The following ERICH3 variants were observed in gnomAD, a reference collection of about 807,000 sequenced individuals.
ERICH3 encodes glutamate-rich protein 3.
Under a neutral mutation model 131.1 loss-of-function variants are expected in ERICH3, and 126 were observed. The ratio of observed to expected loss-of-function variants is 0.96; its 90% confidence interval spans 0.83 to 1.11. The LOEUF (loss-of-function observed/expected upper bound fraction) is 1.11, where lower values mean the gene tolerates loss of function less well. Ranked by LOEUF, ERICH3 falls within the 50% of genes most tolerant of loss-of-function variation. The pLI, the probability that ERICH3 is intolerant of heterozygous loss-of-function variation, is 0.00. For synonymous variants in ERICH3, 695 were observed against 644.6 expected, an observed-to-expected ratio of 1.08 and a Z score of -1.18; for missense variants, 2,050 against 1,810.7, an observed-to-expected ratio of 1.13 and a Z score of -2.40.
At chr1:74,626,827 C>T (rs1649432592) in intron 7 of ERICH3, among the ~76,000 whole-genome samples, 1 of 152,100 alleles carries the variant, frequency 6.6e-6, no homozygotes, top group Admixed American at 6.5e-5. Context: ...TGAGTCGTAC[C>T]ACACCTTGCC....
At chr1:74,614,353 C>G (rs904497759) in intron 8 of ERICH3, among the ~76,000 whole-genome samples, 1 of 140,498 alleles carries the variant, frequency 7.1e-6, no homozygotes, top group African/African-American at 2.7e-5. Flanking sequence ...ACTGTGTGTA[C>G]CACATTTTTT....
chr1:74,673,787 G>A lies in ERICH3; in HGVS notation c.-268C>T. 5.3e-6 allele frequency: 2 copies of A among 379,836 alleles called. No homozygotes were observed. The highest frequency in any genetic ancestry group is 4.6e-6 in the Non-Finnish European group (1 of 216,480). The allele number at this position is 379,836 out of a possible 1,614,324, so 23.5% of individuals were successfully genotyped here. A position where few individuals can be genotyped will look rare whatever the true frequency, so the allele number is the denominator to read the frequency against. ...GCCCAGGGTCTGGAGAAGCGGAGGC[G>A]CTACTGGAACCGAGCCTGCGGAAGC... On this transcript the variant is annotated 5_prime_UTR_variant, in exon 1 of 15. Coordinates refer to ENST00000326665, the MANE Select transcript of ERICH3 (RefSeq NM_001002912.5).
chr1:74,587,324 CAAAAAAAAA>C (rs11330631), intron 12 of ERICH3, among the ~76,000 whole-genome samples: 13 of 56,288 alleles, frequency 2.3e-4, no homozygotes, highest in African/African-American at 7.1e-4. Flanking sequence ...GACTCCATCT[CAAAAAAAAA>C]AAAAAAAAAA....
At position 74,612,631 on chromosome 1, in the gene ERICH3, A is replaced by C; in HGVS notation, c.1179T>G (p.Pro393=). ...GACATTTGTTTCCATACTTGTAGCA[A>C]GGAGATGATCTCTCAACACACACAA... ...FGFVCVERSS[P]CYKCIIAMGL... The change falls in exon 9 of 15, where the codon CCT becomes CCG. Residue 393 remains proline (P), a synonymous_variant. Coordinates refer to ENST00000326665, the MANE Select transcript of ERICH3 (RefSeq NM_001002912.5). The C allele has an allele frequency of 6.4e-7, 1 of 1,554,740 alleles. No homozygotes were observed. The highest frequency in any genetic ancestry group is 8.8e-7 in the Non-Finnish European group (1 of 1,137,908).
At chr1:74,597,834 T>C (rs1243331816) in intron 11 of ERICH3, among the ~76,000 whole-genome samples, 1 of 151,966 alleles carries the variant, frequency 6.6e-6, no homozygotes, top group African/African-American at 2.4e-5. Flanking sequence ...GAAAAACCTA[T>C]TTTAAAATTC....
Position 74,570,116 on chromosome 1 carries a change from G to T in ERICH3, c.*342C>A, listed in dbSNP as rs1646918671. ...AACAAACCCCTAACATTAGGACTGG[G>T]CCTTCCAGTGATCTTTGGTAAAAGT... is the stretch of plus-strand genomic sequence containing the variant. On this transcript the variant is annotated 3_prime_UTR_variant, in exon 15 of 15. Coordinates refer to ENST00000326665, the MANE Select transcript of ERICH3 (RefSeq NM_001002912.5). 1.3e-5 allele frequency: 2 copies of T among 152,178 alleles called. No homozygotes were observed. The highest frequency in any genetic ancestry group is 1.3e-4 in the Admixed American group (2 of 15,282). 9.4% of individuals were successfully genotyped at this position (152,178 alleles called of 1,614,324 possible).
intron 8 of ERICH3, among the ~76,000 whole-genome samples, chr1:74,617,159 A>G (rs1649002186): frequency 8.0e-6 from 1 of 125,174 alleles, no homozygotes. Flanking sequence ...ACTAAAAAAA[A>G]CAACAAAAAA....
Position 74,573,052 on chromosome 1 carries a change from A to T in ERICH3, c.2658T>A (p.Leu886=). Residue 886 remains leucine, a synonymous_variant, in exon 14 of 15, where the codon CTT becomes CTA. Coordinates refer to ENST00000326665, the MANE Select transcript of ERICH3 (RefSeq NM_001002912.5). The stretch of plus-strand genomic sequence containing the variant: ...CTTCAGAAGCTGCTTTGTCTGTCTC[A>T]AGCACTGTGAGCATCAAGGCTTGCT... ...PEKQALMLTV[L]ETDKAASEGE... is the part of the protein sequence containing the mutation. 6.2e-7 allele frequency: 1 copy of T among 1,614,104 alleles called. No individual in the cohort carries two copies. The highest frequency in any genetic ancestry group is 8.5e-7 in the Non-Finnish European group (1 of 1,180,002).
At chr1:74,643,842 T>C (rs928358536) in intron 3 of ERICH3, among the ~76,000 whole-genome samples, 4 of 152,098 alleles carry the variant, frequency 2.6e-5, no homozygotes, top group Admixed American at 6.6e-5. Flanking sequence ...CGCTTGTTTT[T>C]TCACAAAACC....
Position 74,573,317 on chromosome 1 carries a change from C to G in ERICH3, c.2393G>C (p.Trp798Ser). The G allele has an allele frequency of 6.2e-7, 1 of 1,604,306 alleles. No homozygotes were observed. The highest frequency in any genetic ancestry group is 8.5e-7 in the Non-Finnish European group (1 of 1,176,144). Residue 798 changes from tryptophan to serine, a missense_variant, in exon 14 of 15, where the codon TGG (tryptophan) becomes TCG (serine). By Grantham distance (177) the Trp-to-Ser change is radical (BLOSUM62 -3). Transcript: ENST00000326665. Reference sequence around the variant, plus strand: ...CTCATGAACAGCTCCTGCTTCTCCCCACAGTGCTGCCTCCCCTTTTCCCTG... The same window carrying G: ...CTCATGAACAGCTCCTGCTTCTCCCGACAGTGCTGCCTCCCCTTTTCCCTG... ...IVQGKGEAAL[W>S]GEAGAVHEAP...
At chr1:74,658,559 T>C (rs1646607382) in intron 1 of ERICH3, among the ~76,000 whole-genome samples, 1 of 152,132 alleles carries the variant, frequency 6.6e-6, no homozygotes, top group African/African-American at 2.4e-5. Flanking sequence ...TGCTGCTGTG[T>C]AGGCTATATT....
In ERICH3 at chr1:74,636,353, G is replaced by C; in HGVS notation, c.530C>G (p.Thr177Ser). 1 of 1,613,318 alleles carries C rather than the reference G, an allele frequency of 6.2e-7. No homozygotes were observed. The highest frequency in any genetic ancestry group is 8.5e-7 in the Non-Finnish European group (1 of 1,179,448). ...GGACCTTGAAGTTACCTTTGGAACA[G>C]TTTCTACTGCAGGATTACTGGGAAG... is the stretch of plus-strand genomic sequence containing the variant. ...QPLPSNPAVE[T>S]VPKVTSRSRS... is the part of the protein sequence containing the mutation. The change falls in exon 6 of 15, where the codon ACT becomes AGT. Residue 177 changes from threonine (T) to serine (S), a missense_variant. Physicochemically the swap from Thr to Ser is moderately conservative, Grantham distance 58. Transcript: ENST00000326665.
chr1:74,582,161 A>G (rs1647192445), intron 12 of ERICH3, among the ~76,000 whole-genome samples: 1 of 152,158 alleles, frequency 6.6e-6, no homozygotes, highest in Non-Finnish European at 1.5e-5. Context: ...AGAACACTGA[A>G]CAATTAGAGG....
At chr1:74,607,339 C>G (rs955748217) in intron 9 of ERICH3, among the ~76,000 whole-genome samples, 2 of 151,798 alleles carry the variant, frequency 1.3e-5, no homozygotes, top group African/African-American at 2.4e-5. Flanking sequence ...TGCAGATTTA[C>G]AAACATAGAG....
At chr1:74,598,539 C>T (rs1180193755) in intron 11 of ERICH3, among the ~76,000 whole-genome samples, 2 of 151,706 alleles carry the variant, frequency 1.3e-5, no homozygotes, top group Admixed American at 6.6e-5. Context: ...AGCATGACAG[C>T]ATGTGATAAA....
In ERICH3 at chr1:74,586,269, C is replaced by A. The variant is rs1408628767; in HGVS notation, c.2176+3362G>T. On this transcript the variant is annotated intron_variant, in intron 12 of 14. Transcript: ENST00000326665. The stretch of plus-strand genomic sequence containing the variant: ...AAGATACAGTGTTAAGTGAAAAAAG[C>A]AAGTCTCAGAACAAAATGTATAGTA... The A allele has an allele frequency of 6.0e-6, 3 of 497,282 alleles. No homozygotes were observed. The African/African-American group carries it at 6.4e-5, about 11-fold the overall frequency. 30.8% of individuals were successfully genotyped at this position (497,282 alleles called of 1,614,324 possible). A position where few individuals can be genotyped will look rare whatever the true frequency, so the allele number is the denominator to read the frequency against.
chr1:74,612,468 A>T (rs1372108550), intron 9 of ERICH3, among the ~76,000 whole-genome samples, 155 bp downstream of exon 9: 1 of 152,216 alleles, frequency 6.6e-6, no homozygotes, highest in African/African-American at 2.4e-5. Context: ...CAAATTCAGC[A>T]CGCCATGTTA....
chr1:74,659,059 A>G (rs1183302678), intron 1 of ERICH3, among the ~76,000 whole-genome samples: 1 of 152,174 alleles, frequency 6.6e-6, no homozygotes, highest in Non-Finnish European at 1.5e-5. Flanking sequence ...AGAATCATAG[A>G]AGAAGTGCAG....
intron 10 of ERICH3, among the ~76,000 whole-genome samples, chr1:74,600,940 G>C (rs934426949): frequency 6.6e-6 from 1 of 151,630 alleles, no homozygotes; most frequent in Non-Finnish European, 1.5e-5. Context: ...TTACTTGAGA[G>C]CTGTCCACCC....
Sources: allele counts gnomAD v4.1 joint callset (sites outside exome capture counted in the v4.1 genomes callset), GRCh38; gene constraint gnomAD v4.1.1; transcripts MANE v1.5; gene names NCBI Gene and HGNC (gene_info 2026-07-23, HGNC 2026-07-21).